Variants in DIS3L2 observed in about 807,000 individuals in gnomAD.
DIS3L2 encodes DIS3-like exonuclease 2.
DIS3L2 carries 34 observed loss-of-function variants against 97.5 expected under a neutral mutation model. The observed-to-expected ratio is 0.35, with a 90% confidence interval of 0.27 to 0.46. DIS3L2 has a LOEUF of 0.46. Ranked by LOEUF, DIS3L2 falls within the 20% of genes least tolerant of loss-of-function variation. The pLI, the probability that DIS3L2 is intolerant of heterozygous loss-of-function variation, is 1.00. For synonymous variants in DIS3L2, 435 were observed against 445.2 expected (o/e 0.98, Z 0.29); for missense variants, 1,038 against 1,146.0 (o/e 0.91, Z 1.36).
intron 8 of DIS3L2, among the ~76,000 whole-genome samples, chr2:232,156,810 A>G (rs1274684604): frequency 5.9e-5 from 9 of 152,146 alleles, no homozygotes; most frequent in African/African-American, 1.9e-4. Flanking sequence ...TTCTTTTCGT[A>G]TTAGTGTAGT....
intron 6 of DIS3L2, among the ~76,000 whole-genome samples, chr2:232,104,111 G>A (rs1341344721): frequency 6.6e-6 from 1 of 151,762 alleles, no homozygotes; most frequent in Admixed American, 6.6e-5. Flanking sequence ...TTATTACCAA[G>A]GAATTTCTTT....
chr2:232,089,246 A>G (rs1425760301), intron 6 of DIS3L2, among the ~76,000 whole-genome samples: 1 of 152,190 alleles, frequency 6.6e-6, no homozygotes, highest in African/African-American at 2.4e-5. Flanking sequence ...TTCTTGACTG[A>G]AGAGGCTACT....
chr2:231,996,790 GCTTT>G (rs1227605434), intron 1 of DIS3L2, among the ~76,000 whole-genome samples: 4 of 152,228 alleles, frequency 2.6e-5, no homozygotes, highest in Middle Eastern at 3.4e-3. Context: ...GACTGTGGAG[GCTTT>G]CTATTTTAAA....
At chr2:232,321,200 G>T (rs1179652106) in intron 14 of DIS3L2, among the ~76,000 whole-genome samples, 1 of 152,172 alleles carries the variant, frequency 6.6e-6, no homozygotes, top group Non-Finnish European at 1.5e-5. Context: ...CGGGGGGCCA[G>T]GGAGTGTGAC....
chr2:232,203,475 C>G (rs547879701), intron 9 of DIS3L2, among the ~76,000 whole-genome samples: 4 of 152,320 alleles, frequency 2.6e-5, no homozygotes, highest in African/African-American at 9.6e-5. Context: ...GAGTTCTAAT[C>G]CTAAATGTAT....
At chr2:232,294,285 G>A (rs1029681931) in intron 13 of DIS3L2, among the ~76,000 whole-genome samples, 15 of 152,150 alleles carry the variant, frequency 9.9e-5, no homozygotes, top group African/African-American at 3.1e-4. Flanking sequence ...GCTTCCCCCC[G>A]GACCCCCTAG....
rs762730954 is a variant in DIS3L2, at chr2:232,304,674, G to A, written c.1739+4555G>A. ...CAAGCTATTCTTCCTGCCGTTAGCT[G>A]GTTGGCCTCCCGGCTGTCCTCTCTG... On this transcript the variant is annotated intron_variant, in intron 14 of 20. Transcript: ENST00000325385. 2.4e-4 allele frequency among the ~76,000 whole-genome samples: 36 copies of A among 152,324 alleles called. 1 individual carries two copies. Among genetic ancestry groups the A allele is most frequent in the Non-Finnish European group, 4.9e-4 (33 of 68,028 alleles).
chr2:232,343,387 C>T, exon 14 of DIS3L2: 2 of 1,556,544 alleles, frequency 1.3e-6, no homozygotes, highest in Non-Finnish European at 8.7e-7. Flanking sequence ...TCAGGCCTCT[C>T]ACAGCCCCTC....
intron 9 of DIS3L2, among the ~76,000 whole-genome samples, chr2:232,165,953 T>C (rs1225225235): frequency 1.3e-5 from 2 of 152,128 alleles, no homozygotes; most frequent in Non-Finnish European, 2.9e-5. Context: ...TTAGTAGTTA[T>C]GGGGCCCAAT....
At chr2:232,074,026 T>C (rs1696113112) in intron 5 of DIS3L2, among the ~76,000 whole-genome samples, 1 of 152,234 alleles carries the variant, frequency 6.6e-6, no homozygotes, top group South Asian at 2.1e-4. Context: ...TGACTTTTCT[T>C]GCTAAGACAC....
intron 1 of DIS3L2, among the ~76,000 whole-genome samples, chr2:232,011,600 G>A (rs1377624260): frequency 1.3e-5 from 2 of 151,974 alleles, no homozygotes; most frequent in African/African-American, 2.4e-5. Flanking sequence ...TGGTCTGCCC[G>A]CCTTGGCCTC....
intron 1 of DIS3L2, among the ~76,000 whole-genome samples, chr2:231,962,215 T>C (rs1692579682): frequency 6.6e-6 from 1 of 152,042 alleles, no homozygotes; most frequent in South Asian, 2.1e-4. Flanking sequence ...TTATAACATG[T>C]CCTTGACGTT....
chr2:232,198,992 C>T (rs1200617164), intron 9 of DIS3L2, among the ~76,000 whole-genome samples: 1 of 152,162 alleles, frequency 6.6e-6, no homozygotes, highest in Non-Finnish European at 1.5e-5. Context: ...TGAATTTCAG[C>T]ACTGTTTATT....
chr2:232,069,377 A>T (rs1014733758), intron 5 of DIS3L2, among the ~76,000 whole-genome samples: 1 of 152,230 alleles, frequency 6.6e-6, no homozygotes, highest in Non-Finnish European at 1.5e-5. Context: ...AATTATACCC[A>T]TAGAAGTAGG....
At chr2:231,988,470 C>A (rs1386989993) in intron 1 of DIS3L2, among the ~76,000 whole-genome samples, 2 of 152,184 alleles carry the variant, frequency 1.3e-5, no homozygotes, top group Non-Finnish European at 2.9e-5. Context: ...TATCTGTGGT[C>A]TGTTTTAGTA....
chr2:232,052,389 G>A (rs1695435644), intron 5 of DIS3L2, among the ~76,000 whole-genome samples: 2 of 152,154 alleles, frequency 1.3e-5, no homozygotes, highest in Admixed American at 1.3e-4. Context: ...GTTGATCCAG[G>A]ATGGTCTGTT....
At chr2:232,097,276 C>G (rs1299939652) in intron 6 of DIS3L2, among the ~76,000 whole-genome samples, 1 of 152,188 alleles carries the variant, frequency 6.6e-6, no homozygotes, top group Non-Finnish European at 1.5e-5. Flanking sequence ...CCACATCTCT[C>G]TGTCTGTGCT....
intron 8 of DIS3L2, among the ~76,000 whole-genome samples, chr2:232,160,439 A>G (rs1340514592): frequency 2.0e-5 from 3 of 152,170 alleles, no homozygotes; most frequent in African/African-American, 7.2e-5. Flanking sequence ...AAAGTCATTC[A>G]TTATTCCCTT....
At chr2:232,220,023 G>A (rs1692447539) in intron 10 of DIS3L2, among the ~76,000 whole-genome samples, 1 of 151,874 alleles carries the variant, frequency 6.6e-6, no homozygotes, top group Non-Finnish European at 1.5e-5. Context: ...TATAATCCTA[G>A]CATTTTGGGA....
Sources: allele counts gnomAD v4.1 joint callset (sites outside exome capture counted in the v4.1 genomes callset), GRCh38; gene constraint gnomAD v4.1.1; transcripts MANE v1.5; gene names NCBI Gene and HGNC (gene_info 2026-07-23, HGNC 2026-07-21).